IGSF10: variants seen among roughly 807,000 people sequenced by gnomAD.
IGSF10 encodes the protein calvaria mechanical force protein 608.
In IGSF10, 126 loss-of-function variants were observed where a neutral mutation model predicts 128.2. The observed-to-expected ratio is 0.98, with a 90% confidence interval of 0.85 to 1.14. The LOEUF is 1.14. Ranked by LOEUF, IGSF10 falls within the 50% of genes most tolerant of loss-of-function variation. IGSF10 has a pLI of 0.00. For missense variants in IGSF10, 3,295 were observed against 3,149.8 expected (o/e 1.05, Z -1.10); for synonymous variants, 1,185 against 1,146.2 (o/e 1.03, Z -0.68).
chr3:151,554,775 A>G, the IGSF10 span, among the ~76,000 whole-genome samples: 1 of 152,166 alleles, frequency 6.6e-6, no homozygotes, highest in African/African-American at 2.4e-5. Flanking sequence ...TACAAAGCCT[A>G]AAGAATGCCT....
the IGSF10 span, among the ~76,000 whole-genome samples, chr3:151,550,887 G>A: frequency 2.6e-5 from 4 of 152,068 alleles, no homozygotes; most frequent in Non-Finnish European, 5.9e-5. Context: ...TCCTGCCTGC[G>A]ATTGTATGCT....
the IGSF10 span, among the ~76,000 whole-genome samples, chr3:151,611,823 T>C: frequency 6.6e-6 from 1 of 152,210 alleles, no homozygotes; most frequent in Non-Finnish European, 1.5e-5. Flanking sequence ...TCAAGAATTA[T>C]TAAGATTTAT....
the IGSF10 span, among the ~76,000 whole-genome samples, chr3:151,618,574 C>T: frequency 2.2e-3 from 327 of 151,188 alleles, 2 homozygotes; most frequent in African/African-American, 7.3e-3. Flanking sequence ...ACTAAAAATA[C>T]AAAAAATTAG....
intron 3 of IGSF10, among the ~76,000 whole-genome samples, chr3:151,457,597 T>C (rs907228388): frequency 1.3e-5 from 2 of 152,200 alleles, no homozygotes; most frequent in Non-Finnish European, 2.9e-5. Context: ...CGTTTGGGTA[T>C]GATTACGAGC....
chr3:151,546,266 G>A, the IGSF10 span, among the ~76,000 whole-genome samples: 1 of 151,684 alleles, frequency 6.6e-6, no homozygotes, highest in Non-Finnish European at 1.5e-5. Context: ...CCAAAATACA[G>A]CATTATCTAC....
the IGSF10 span, among the ~76,000 whole-genome samples, chr3:151,552,574 G>A: frequency 6.6e-6 from 1 of 152,150 alleles, no homozygotes; most frequent in Admixed American, 6.6e-5. Context: ...GTCCGAGGAG[G>A]TTCTCAATCT....
chr3:151,498,600 G>T, the IGSF10 span, among the ~76,000 whole-genome samples: 1 of 152,242 alleles, frequency 6.6e-6, no homozygotes, highest in East Asian at 1.9e-4. Flanking sequence ...GGCCTTTGAA[G>T]TGGTATTTGT....
chr3:151,436,866 A>G lies in IGSF10; in HGVS notation c.7695T>C (p.Pro2565=), dbSNP rs1245181784. ...TTGCCGTTGAGAGAAGGGAGTGGTC[A>G]GGCATCTCCCATGTGATTTCTGGCT... is the stretch of plus-strand genomic sequence containing the variant. The part of the protein sequence containing the change: ...VPKPEITWEM[P]DHSLLSTASK... Residue 2565 remains proline (P), a synonymous_variant, in exon 8 of 8, where the codon CCT becomes CCC. Transcript: ENST00000282466. 1.9e-6 allele frequency: 3 copies of G among 1,614,162 alleles called. No homozygotes were observed. Among genetic ancestry groups the G allele is most frequent in the Middle Eastern group, 1.7e-4 (1 of 6,060 alleles).
chr3:151,602,233 C>T, the IGSF10 span, among the ~76,000 whole-genome samples: 1 of 152,148 alleles, frequency 6.6e-6, no homozygotes, highest in Non-Finnish European at 1.5e-5. Flanking sequence ...GATATCATTA[C>T]ATATGGAGAA....
the IGSF10 span, among the ~76,000 whole-genome samples, chr3:151,498,180 G>A: frequency 5.3e-5 from 8 of 152,098 alleles, no homozygotes; most frequent in African/African-American, 1.9e-4. Context: ...TCTCCTGCCT[G>A]ATTGCCCTGG....
At chr3:151,529,283 A>T in the IGSF10 span, among the ~76,000 whole-genome samples, 7 of 152,214 alleles carry the variant, frequency 4.6e-5, no homozygotes, top group South Asian at 2.1e-4. Context: ...GCGCAGCTTC[A>T]GCAGATGTAA....
chr3:151,540,723 G>C, the IGSF10 span, among the ~76,000 whole-genome samples: 1 of 152,186 alleles, frequency 6.6e-6, no homozygotes, highest in Non-Finnish European at 1.5e-5. Flanking sequence ...GTTTTCCAAA[G>C]TGTTTACTAG....
At chr3:151,491,731 GAA>G in the IGSF10 span, among the ~76,000 whole-genome samples, 4 of 152,124 alleles carry the variant, frequency 2.6e-5, no homozygotes, top group Non-Finnish European at 1.5e-5. Flanking sequence ...ATTCAAAGAA[GAA>G]TATCAGTATT....
the IGSF10 span, among the ~76,000 whole-genome samples, chr3:151,578,726 G>T: frequency 6.6e-6 from 1 of 152,248 alleles, no homozygotes; most frequent in Non-Finnish European, 1.5e-5. Flanking sequence ...AACAAATACT[G>T]TCTCAGATGT....
At chr3:151,512,814 C>T in the IGSF10 span, among the ~76,000 whole-genome samples, 1 of 152,138 alleles carries the variant, frequency 6.6e-6, no homozygotes, top group Non-Finnish European at 1.5e-5. Flanking sequence ...TACAAACTAC[C>T]ATCAGAGAAT....
At chr3:151,497,842 T>C in the IGSF10 span, among the ~76,000 whole-genome samples, 38 of 152,208 alleles carry the variant, frequency 2.5e-4, no homozygotes, top group East Asian at 5.8e-3. Context: ...TTGTATCCTC[T>C]TTTATTTCGC....
chr3:151,549,083 C>A, the IGSF10 span, among the ~76,000 whole-genome samples: 1 of 151,986 alleles, frequency 6.6e-6, no homozygotes, highest in East Asian at 1.9e-4. Context: ...CTGCTTTTAT[C>A]TATTTGTTTG....
At position 151,436,897 on chromosome 3, in the gene IGSF10, A is replaced by T. The variant is rs776557933; in HGVS notation, c.7664T>A (p.Val2555Asp). Residue 2555 changes from valine (V) to aspartate (D), a missense_variant, in exon 8 of 8, where the codon GTT becomes GAT. By Grantham distance (152) the Val-to-Asp change is radical (BLOSUM62 -3). Transcript: ENST00000282466. ...CTCCCATGTGATTTCTGGCTTGGGA[A>T]CTCCCAAGGCCACACAGTGGAGCTG... ...AFQLHCVALG[V>D]PKPEITWEMP... The T allele has an allele frequency of 6.2e-7, 1 of 1,613,640 alleles. No individual in the cohort carries two copies. Among genetic ancestry groups the T allele is most frequent in the South Asian group, 1.1e-5 (1 of 91,040 alleles).
At chr3:151,531,658 AG>A in the IGSF10 span, among the ~76,000 whole-genome samples, 81 of 152,226 alleles carry the variant, frequency 5.3e-4, no homozygotes, top group African/African-American at 1.8e-3. Flanking sequence ...ACAACATACC[AG>A]AAACTCTGGG....
Sources: gnomAD v4.1 joint callset for allele counts (sites outside exome capture counted in the v4.1 genomes callset) on GRCh38, gnomAD v4.1.1 for gene constraint, MANE v1.5 for transcripts, NCBI Gene and HGNC (gene_info 2026-07-23, HGNC 2026-07-21) for gene names.